Variants in ZNF254 observed in about 807,000 individuals in gnomAD.
The protein encoded by ZNF254 is CTD-2017D11.1.
A neutral mutation model predicts 12.4 loss-of-function variants in ZNF254; 10 were observed. That is an observed-to-expected ratio of 0.80 (90% CI 0.50 to 1.36). The LOEUF (loss-of-function observed/expected upper bound fraction) is 1.36, where lower values mean the gene tolerates loss of function less well. Ranked by LOEUF, ZNF254 falls within the 40% of genes most tolerant of loss-of-function variation. The pLI is 0.00. For synonymous variants in ZNF254, 305 were observed against 253.4 expected (o/e 1.20, Z -1.93); for missense variants, 996 against 763.9 (o/e 1.30, Z -3.58).
Position 24,127,465 on chromosome 19 carries a change from C to G in ZNF254, c.1465C>G (p.Pro489Ala), listed in dbSNP as rs1323579839. The G allele has an allele frequency of 1.9e-6, 3 of 1,613,342 alleles. No individual in the cohort carries two copies. Among genetic ancestry groups the G allele is most frequent in the Non-Finnish European group, 2.5e-6 (3 of 1,179,798 alleles). The change falls in exon 4 of 4, where the codon CCC becomes GCC. Residue 489 changes from proline to alanine, a missense_variant. Physicochemically the swap from Pro to Ala is conservative, Grantham distance 27. Coordinates refer to ENST00000357002, the MANE Select transcript of ZNF254 (RefSeq NM_203282.4). ...TAAGAGGATGCACACTGGAGAGAAA[C>G]CCTACAAATGTGAAGAATGTGGCAA... is the stretch of plus-strand genomic sequence containing the variant. ...RHKRMHTGEK[P>A]YKCEECGKSF...
intron 2 of ZNF254, among the ~76,000 whole-genome samples, chr19:24,046,514 C>G (rs1468061609): frequency 1.3e-5 from 2 of 151,590 alleles, no homozygotes; most frequent in African/African-American, 4.9e-5. Context: ...TTATGTACTT[C>G]CTGGGCTATC....
intron 1 of ZNF254, among the ~76,000 whole-genome samples, chr19:24,099,894 T>C (rs1972906348): frequency 6.6e-6 from 1 of 152,178 alleles, no homozygotes; most frequent in African/African-American, 2.4e-5. Flanking sequence ...TTTTAAAAAA[T>C]TATATTTTCC....
At chr19:24,048,769 C>T (rs1490785510) in intron 2 of ZNF254, among the ~76,000 whole-genome samples, 1 of 151,938 alleles carries the variant, frequency 6.6e-6, no homozygotes, top group Non-Finnish European at 1.5e-5. Flanking sequence ...ATTTCTTTCA[C>T]CTAGGCTTAA....
intron 3 of ZNF254, among the ~76,000 whole-genome samples, chr19:24,117,727 C>G (rs1974194047): frequency 6.6e-6 from 1 of 152,008 alleles, no homozygotes; most frequent in South Asian, 2.1e-4. Context: ...GTCTGTCACT[C>G]CCTAGTGAGA....
At chr19:24,050,123 T>C (rs898917813) in intron 2 of ZNF254, among the ~76,000 whole-genome samples, 14 of 151,906 alleles carry the variant, frequency 9.2e-5, no homozygotes, top group African/African-American at 3.4e-4. Context: ...TGGGGCCCTT[T>C]GACTATTTTA....
At chr19:24,053,165 G>C (rs1210235294) in intron 2 of ZNF254, among the ~76,000 whole-genome samples, 1 of 152,122 alleles carries the variant, frequency 6.6e-6, no homozygotes, top group Non-Finnish European at 1.5e-5. Context: ...CCATAGAGAG[G>C]TTAGTGTCTC....
At chr19:24,041,888 T>G (rs1970180723) in intron 1 of ZNF254, among the ~76,000 whole-genome samples, 1 of 152,158 alleles carries the variant, frequency 6.6e-6, no homozygotes, top group South Asian at 2.1e-4. Flanking sequence ...ATCCACACTC[T>G]GTATCTAGCT....
intron 2 of ZNF254, among the ~76,000 whole-genome samples, chr19:24,048,003 CTTTTTTT>C (rs398034320): frequency 1.3e-4 from 9 of 68,810 alleles, no homozygotes; most frequent in African/African-American, 4.3e-4. Context: ...TTCTTTTCTT[CTTTTTTT>C]TTTTTTTTTT....
At chr19:24,043,783 G>A (rs2145222752) in intron 1 of ZNF254, among the ~76,000 whole-genome samples, 1 of 152,284 alleles carries the variant, frequency 6.6e-6, no homozygotes, top group South Asian at 2.1e-4. Context: ...CTGTGGGTGT[G>A]TGCATAAAAT....
chr19:24,041,976 T>C (rs1970184719), intron 1 of ZNF254, among the ~76,000 whole-genome samples: 1 of 151,652 alleles, frequency 6.6e-6, no homozygotes, highest in Non-Finnish European at 1.5e-5. Flanking sequence ...TGTGTTTAGC[T>C]CAAGGTTTGT....
chr19:24,051,846 C>T (rs992005636), intron 2 of ZNF254, among the ~76,000 whole-genome samples: 1 of 152,166 alleles, frequency 6.6e-6, no homozygotes, highest in Admixed American at 6.5e-5. Context: ...CATGCATGGG[C>T]TCTGCGAACT....
At chr19:24,085,539 G>C (rs890895515), upstream of ZNF254, among the ~76,000 whole-genome samples, 2 of 151,008 alleles carry the variant, frequency 1.3e-5, no homozygotes, top group Non-Finnish European at 3.0e-5. Flanking sequence ...GGGAGGCCAA[G>C]GCAGGTGGAT....
intron 2 of ZNF254, among the ~76,000 whole-genome samples, chr19:24,080,858 G>A (rs541507623): frequency 2.0e-4 from 31 of 151,570 alleles, no homozygotes; most frequent in Admixed American, 7.2e-4. Flanking sequence ...GGAGGCTGAG[G>A]TGGGTGGTCG....
At position 24,126,842 on chromosome 19, in the gene ZNF254, T is replaced by A. The variant is rs906567615; in HGVS notation, c.842T>A (p.Leu281His). 8.1e-6 allele frequency: 13 copies of A among 1,613,266 alleles called. No homozygotes were observed. The highest frequency in any genetic ancestry group is 1.0e-5 in the Non-Finnish European group (12 of 1,179,710). ...CGEAFNRSSN[L>H]TTHKIIHTGE... The stretch of plus-strand genomic sequence containing the variant: ...GAAGCTTTTAATCGATCCTCAAATC[T>A]TACTACACATAAGATAATTCATACT... Residue 281 changes from leucine to histidine, a missense_variant, in exon 4 of 4, where the codon CTT (leucine) becomes CAT (histidine). By Grantham distance (99) the Leu-to-His change is moderately conservative. Transcript: ENST00000357002.
intron 2 of ZNF254, among the ~76,000 whole-genome samples, chr19:24,059,842 A>G (rs576429116): frequency 1.7e-4 from 26 of 152,212 alleles, no homozygotes; most frequent in Non-Finnish European, 2.6e-4. Flanking sequence ...ATGGCATATT[A>G]TGAATATTGG....
chr19:24,063,904 C>G (rs1284121304), intron 2 of ZNF254: 1 of 151,674 alleles, frequency 6.6e-6, no homozygotes, highest in Non-Finnish European at 1.5e-5. Flanking sequence ...TGACACATTT[C>G]TTGACCCATT....
chr19:24,111,953 A>G (rs1973711260), intron 3 of ZNF254, among the ~76,000 whole-genome samples: 1 of 152,156 alleles, frequency 6.6e-6, no homozygotes, highest in East Asian at 1.9e-4. Flanking sequence ...CTTTAGTTTA[A>G]TTAGATCCCA....
At chr19:24,037,160 G>A (rs571999577) in intron 1 of ZNF254, among the ~76,000 whole-genome samples, 1 of 152,274 alleles carries the variant, frequency 6.6e-6, no homozygotes, top group Non-Finnish European at 1.5e-5. Context: ...CAGCTACCAT[G>A]CACTGTCCCC....
intron 1 of ZNF254, among the ~76,000 whole-genome samples, chr19:24,040,697 A>G (rs1970122714): frequency 6.6e-6 from 1 of 152,244 alleles, no homozygotes; most frequent in Non-Finnish European, 1.5e-5. Context: ...TGGTGAGCAC[A>G]TAGTACAAGC....
Sources: allele counts gnomAD v4.1 joint callset (sites outside exome capture counted in the v4.1 genomes callset), GRCh38; gene constraint gnomAD v4.1.1; transcripts MANE v1.5; gene names NCBI Gene and HGNC (gene_info 2026-07-23, HGNC 2026-07-21).